The following TBC1D22A variants were observed in gnomAD, a reference collection of about 807,000 sequenced individuals.
TBC1D22A encodes TBC1 domain family member 22A.
A neutral mutation model predicts 60.2 loss-of-function variants in TBC1D22A; 38 were observed. The observed-to-expected ratio is 0.63, with a 90% CI of 0.49 to 0.83. The LOEUF is 0.83. Among genes scored for constraint, TBC1D22A ranks in the 40% least tolerant of loss-of-function variants. The pLI is 0.00. For synonymous variants in TBC1D22A, 302 were observed against 281.7 expected (o/e 1.07, Z -0.72); for missense variants, 628 against 701.0 (o/e 0.90, Z 1.18).
intron 10 of TBC1D22A, among the ~76,000 whole-genome samples, chr22:47,026,769 G>T (rs1005401494): frequency 4.6e-5 from 7 of 152,166 alleles, no homozygotes; most frequent in African/African-American, 1.7e-4. Flanking sequence ...ACCTAATCAT[G>T]TTCAGAGATC....
intron 7 of TBC1D22A, among the ~76,000 whole-genome samples, chr22:46,899,731 G>T (rs1347432601): frequency 6.6e-6 from 1 of 152,104 alleles, no homozygotes; most frequent in Non-Finnish European, 1.5e-5. Flanking sequence ...TAAGACGTGG[G>T]TAGAGAATGC....
chr22:46,799,421 C>T (rs2084801459), intron 4 of TBC1D22A, among the ~76,000 whole-genome samples: 1 of 152,210 alleles, frequency 6.6e-6, no homozygotes, highest in African/African-American at 2.4e-5. Flanking sequence ...CTGCATATTT[C>T]CTAAGCACAA....
chr22:46,992,603 G>A (rs150420479), intron 9 of TBC1D22A, among the ~76,000 whole-genome samples: 74 of 152,356 alleles, frequency 4.9e-4, no homozygotes, highest in African/African-American at 1.5e-3. Context: ...TGACTCCTTC[G>A]CACACATCGA....
At chr22:47,103,370 A>T (rs2065496813) in intron 11 of TBC1D22A, among the ~76,000 whole-genome samples, 1 of 152,176 alleles carries the variant, frequency 6.6e-6, no homozygotes, top group Admixed American at 6.5e-5. Flanking sequence ...AAGGGGGAAG[A>T]TCCTGAAGAA....
chr22:46,949,023 G>A (rs1430880960), intron 8 of TBC1D22A, among the ~76,000 whole-genome samples: 1 of 152,218 alleles, frequency 6.6e-6, no homozygotes, highest in Non-Finnish European at 1.5e-5. Flanking sequence ...CAGGAGTGGA[G>A]CGCCACTTCT....
chr22:46,953,715 G>C (rs932209536), intron 8 of TBC1D22A, among the ~76,000 whole-genome samples: 1 of 152,160 alleles, frequency 6.6e-6, no homozygotes, highest in African/African-American at 2.4e-5. Flanking sequence ...TTTCGGATTG[G>C]AAGTCTTTTG....
At chr22:46,768,550 C>T (rs1245480405) in intron 1 of TBC1D22A, among the ~76,000 whole-genome samples, 1 of 149,276 alleles carries the variant, frequency 6.7e-6, no homozygotes, top group African/African-American at 2.5e-5. Context: ...TGGGCTGGTT[C>T]TTTCCCGGGC....
At chr22:47,017,218 G>A (rs9616200) in intron 10 of TBC1D22A, among the ~76,000 whole-genome samples, 2 of 152,226 alleles carry the variant, frequency 1.3e-5, no homozygotes, top group African/African-American at 4.8e-5. Flanking sequence ...GGCAGTAATA[G>A]AGTTGCTCTA....
intron 11 of TBC1D22A, among the ~76,000 whole-genome samples, chr22:47,092,182 C>A (rs1163063657): frequency 6.6e-6 from 1 of 152,122 alleles, no homozygotes; most frequent in African/African-American, 2.4e-5. Flanking sequence ...GGAGGGATGT[C>A]GGAGCAGGGC....
chr22:46,900,807 G>A (rs1220664269), intron 7 of TBC1D22A, among the ~76,000 whole-genome samples: 1 of 152,174 alleles, frequency 6.6e-6, no homozygotes, highest in Non-Finnish European at 1.5e-5. Context: ...GGACACTGGA[G>A]TTCTTTCTAA....
chr22:47,118,459 CA>C (rs1336953000), intron 12 of TBC1D22A, among the ~76,000 whole-genome samples: 3 of 152,150 alleles, frequency 2.0e-5, no homozygotes, highest in African/African-American at 7.2e-5. Flanking sequence ...GAAGGATGTT[CA>C]AAAGCACAAG....
intron 8 of TBC1D22A, among the ~76,000 whole-genome samples, chr22:46,967,875 CT>C (rs2073881451): frequency 6.6e-6 from 1 of 151,932 alleles, no homozygotes; most frequent in Admixed American, 6.5e-5. Context: ...ATTGCACCCC[CT>C]GGTAATTACA....
intron 12 of TBC1D22A, among the ~76,000 whole-genome samples, chr22:47,167,407 G>A (rs1010148011): frequency 7.9e-5 from 12 of 152,228 alleles, no homozygotes; most frequent in African/African-American, 1.7e-4. Flanking sequence ...TTCACCAAGT[G>A]GGAAGGAGTG....
intron 11 of TBC1D22A, among the ~76,000 whole-genome samples, chr22:47,078,465 C>T (rs2147548385): frequency 6.6e-6 from 1 of 152,344 alleles, no homozygotes; most frequent in East Asian, 1.9e-4. Context: ...ATGCCCCCCG[C>T]TCCCTTACCT....
chr22:46,961,110 C>G (rs1409254590), intron 8 of TBC1D22A, among the ~76,000 whole-genome samples: 3 of 151,626 alleles, frequency 2.0e-5, no homozygotes, highest in Non-Finnish European at 4.4e-5. Context: ...TTAAACTCTT[C>G]ATTTTCTTGG....
intron 4 of TBC1D22A, among the ~76,000 whole-genome samples, chr22:46,842,522 T>C (rs1008550802): frequency 1.3e-5 from 2 of 152,214 alleles, no homozygotes; most frequent in Non-Finnish European, 1.5e-5. Flanking sequence ...GTTGTAGATA[T>C]CAGTTCTCCC....
At chr22:47,029,017 G>C (rs942662227) in intron 10 of TBC1D22A, among the ~76,000 whole-genome samples, 2 of 152,188 alleles carry the variant, frequency 1.3e-5, no homozygotes, top group African/African-American at 4.8e-5. Flanking sequence ...AAATTCAGTG[G>C]TGTCCATGAC....
At chr22:47,066,066 C>G (rs1005157261) in intron 11 of TBC1D22A, among the ~76,000 whole-genome samples, 1 of 152,180 alleles carries the variant, frequency 6.6e-6, no homozygotes, top group Non-Finnish European at 1.5e-5. Context: ...ACACATTTAT[C>G]GAGGATCGTT....
chr22:46,848,773 A>G (rs1037040800), intron 4 of TBC1D22A, among the ~76,000 whole-genome samples: 1 of 152,154 alleles, frequency 6.6e-6, no homozygotes, highest in East Asian at 1.9e-4. Flanking sequence ...ACGTTGCTCT[A>G]AGTAGTCTCA....
Sources: gnomAD v4.1 joint callset for allele counts (sites outside exome capture counted in the v4.1 genomes callset) on GRCh38, gnomAD v4.1.1 for gene constraint, MANE v1.5 for transcripts, NCBI Gene and HGNC (gene_info 2026-07-23, HGNC 2026-07-21) for gene names.